The following AGRN variants were observed in gnomAD, a reference collection of about 807,000 sequenced individuals.
AGRN encodes agrin proteoglycan.
A neutral mutation model predicts 211.0 loss-of-function variants in AGRN; 106 were observed. The observed-to-expected ratio is 0.50, with a 90% CI of 0.43 to 0.59. AGRN has a LOEUF of 0.59. Ranked by LOEUF, AGRN falls within the 20% of genes least tolerant of loss-of-function variation. The probability of loss-of-function intolerance (pLI) is 0.00; values close to 1 mark genes in which losing one functional copy is unlikely to be tolerated. For missense variants in AGRN, 3,040 were observed against 2,982.6 expected, an observed-to-expected ratio of 1.02 and a Z score of -0.45; for synonymous variants, 1,525 against 1,332.5, an observed-to-expected ratio of 1.14 and a Z score of -3.15.
Position 1,020,125 on chromosome 1 carries a change from C to T in AGRN, c.-48C>T, listed in dbSNP as rs1358837440. On this transcript the variant is annotated 5_prime_UTR_variant, in exon 1 of 36. Transcript: ENST00000379370. ...AGCTGCGTCCCGTCCTGTCCAGTCCCGTCCCCGGCGCGGCCCGCGCGCTCC... is the reference window on the plus strand; with the variant it reads ...AGCTGCGTCCCGTCCTGTCCAGTCCTGTCCCCGGCGCGGCCCGCGCGCTCC... 6.1e-6 allele frequency: 6 copies of T among 978,766 alleles called. No homozygotes were observed. The African/African-American group carries it at 7.1e-5, about 12-fold the overall frequency. The allele number at this position is 978,766 out of a possible 1,614,324, so 60.6% of individuals were successfully genotyped here.
chr1:1,031,790 G>T lies in AGRN; in HGVS notation c.464-3487G>T, dbSNP rs568046700. Among the ~76,000 whole-genome samples, 3 of 152,300 alleles carry T rather than the reference G, an allele frequency of 2.0e-5. No homozygotes were observed. The highest frequency in any genetic ancestry group is 4.8e-5 in the African/African-American group (2 of 41,576). The stretch of plus-strand genomic sequence containing the variant: ...TACCTGTCCTCCTCCTGCAGAGCCC[G>T]CCCAGAGATCCCATGGCTGAAGGTG... On this transcript the variant is annotated intron_variant, in intron 2 of 35. Coordinates refer to ENST00000379370, the MANE Select transcript of AGRN (RefSeq NM_198576.4). This position sits in a 1 kb window ranked among gnomAD's most constrained non-coding sequence, Gnocchi z 4.8.
chr1:1,037,540 A>G (rs907882188), intron 3 of AGRN, among the ~76,000 whole-genome samples: 3 of 151,834 alleles, frequency 2.0e-5, no homozygotes, highest in African/African-American at 7.2e-5. Flanking sequence ...TGCCGCCTCC[A>G]GCGTTGCACA....
At position 1,033,290 on chromosome 1, in the gene AGRN, G is replaced by T. The variant is rs111834791; in HGVS notation, c.464-1987G>T. On this transcript the variant is annotated intron_variant, in intron 2 of 35. Coordinates refer to ENST00000379370, the MANE Select transcript of AGRN (RefSeq NM_198576.4). ...CTCACCTCACTCCACCCTCCAGCTC[G>T]CGCCGCACCTGGGGCCCTCCCCCAC... Among the ~76,000 whole-genome samples the T allele has an allele frequency of 2.0e-3, 304 of 152,098 alleles. 1 individual carries two copies. The highest frequency in any genetic ancestry group is 2.5e-3 in the Non-Finnish European group (168 of 67,928).
intron 3 of AGRN, among the ~76,000 whole-genome samples, chr1:1,039,127 C>G (rs984551330): frequency 1.3e-5 from 2 of 152,176 alleles, no homozygotes; most frequent in South Asian, 4.1e-4. Context: ...ATAACCTGCC[C>G]ACATTCTCAC....
rs1336585103 is a variant in AGRN at position 1,052,050 on chromosome 1, A to C, written c.5651+235A>C. 5 of 1,492,624 alleles carry C rather than the reference A, an allele frequency of 3.3e-6. No individual in the cohort carries two copies. The East Asian group carries it at 1.4e-4, about 41-fold the overall frequency. The allele number at this position is 1,492,624 out of a possible 1,614,324, so 92.5% of individuals were successfully genotyped here. A position where few individuals can be genotyped will look rare whatever the true frequency, so the allele number is the denominator to read the frequency against. ...AGCTCGGCGCCCCCCGCTCCCTCTC[A>C]CTCCCACTCCTCCATCCTTCCTGGT... On this transcript the variant is annotated intron_variant, in intron 33 of 35. Transcript: ENST00000379370.
intron 1 of AGRN, among the ~76,000 whole-genome samples, chr1:1,020,770 G>T (rs963403312): frequency 6.6e-6 from 1 of 151,762 alleles, no homozygotes; most frequent in Non-Finnish European, 1.5e-5. Context: ...GGCGAGAGGG[G>T]TTGGTCAGGA....
chr1:1,024,352 G>A (rs1373634673), intron 2 of AGRN, among the ~76,000 whole-genome samples: 1 of 152,046 alleles, frequency 6.6e-6, no homozygotes, highest in Non-Finnish European at 1.5e-5. Flanking sequence ...CTCTGTAGGA[G>A]ATAAGGACAT....
rs540467706 is a variant in AGRN, at chr1:1,045,244, G to A, written c.2338G>A (p.Ala780Thr). The A allele has an allele frequency of 1.0e-4, 166 of 1,611,592 alleles. 1 individual carries two copies. Among genetic ancestry groups the A allele is most frequent in the South Asian group, 7.7e-4 (70 of 90,948 alleles). Residue 780 changes from alanine (A) to threonine (T), a missense_variant, in exon 13 of 36, where the codon GCA becomes ACA. Physicochemically the swap from Ala to Thr is moderately conservative, Grantham distance 58. Coordinates refer to ENST00000379370, the MANE Select transcript of AGRN (RefSeq NM_198576.4). Reference protein sequence around the residue: ...PYGCCQDNITAARGVGLAGCP... With the variant: ...PYGCCQDNITTARGVGLAGCP... ...CGGCTGCTGCCAGGACAATATCACC[G>A]CAGCCCGGGGCGTGGGCCTGGCTGG... is the stretch of plus-strand genomic sequence containing the variant.
chr1:1,048,727 A>G lies in AGRN; in HGVS notation c.4106-140A>G. ...GGTTGCGGTGAGCCAGGATCGCGCC[A>G]CTGCACTCCAGCCGGGGCAAAAAGA... On this transcript the variant is annotated intron_variant, in intron 23 of 35. Transcript: ENST00000379370. This position sits in a 1 kb window ranked among gnomAD's most constrained non-coding sequence, Gnocchi z 5.9. 1 of 1,022,262 alleles carries G rather than the reference A, an allele frequency of 9.8e-7. No individual in the cohort carries two copies. Among genetic ancestry groups the G allele is most frequent in the South Asian group, 1.7e-5 (1 of 58,696 alleles). The allele number at this position is 1,022,262 out of a possible 1,614,324, so 63.3% of individuals were successfully genotyped here.
intron 27 of AGRN, 39 bp downstream of exon 27, chr1:1,050,076 G>A (rs749711604): frequency 3.3e-6 from 5 of 1,519,866 alleles, no homozygotes; most frequent in Admixed American, 2.0e-5. Flanking sequence ...GGGGGGGGGG[G>A]GGTTGAACGT....
In AGRN at chr1:1,044,589, G is replaced by A. The variant is rs1327504147; in HGVS notation, c.2254+150G>A. 1.0e-5 allele frequency: 9 copies of A among 861,944 alleles called. No homozygotes were observed. In the Admixed American group the frequency reaches 1.1e-4, roughly 11 times the overall value. 53.4% of individuals were successfully genotyped at this position (861,944 alleles called of 1,614,324 possible). On this transcript the variant is annotated intron_variant, in intron 12 of 35. Coordinates refer to ENST00000379370, the MANE Select transcript of AGRN (RefSeq NM_198576.4). ...AGCATCGTCCAGTGTTGGTGCCTGT[G>A]CACATTTGTGCAGCTGCGTGTGTGG... is the stretch of plus-strand genomic sequence containing the variant.
chr1:1,027,596 T>C (rs1409766440), intron 2 of AGRN, among the ~76,000 whole-genome samples: 1 of 152,132 alleles, frequency 6.6e-6, no homozygotes, highest in African/African-American at 2.4e-5. Context: ...ATGACCAGTG[T>C]GGTTTCTGAA....
rs1645001357 is a variant in AGRN, at chr1:1,043,432, C to T, written c.1578C>T (p.Ile526=). The T allele has an allele frequency of 6.2e-7, 1 of 1,606,768 alleles. No individual in the cohort carries two copies. Among genetic ancestry groups the T allele is most frequent in the Non-Finnish European group, 8.5e-7 (1 of 1,178,522 alleles). The stretch of plus-strand genomic sequence containing the variant: ...CGGCCTGTACCCTCGGGCGGGAGAT[C>T]CAGGTGGCGCGCAAAGGACCCTGTG... ...EATACTLGRE[I]QVARKGPCDR... The change falls in exon 8 of 36, where the codon ATC becomes ATT. Residue 526 remains isoleucine (I), a synonymous_variant. Coordinates refer to ENST00000379370, the MANE Select transcript of AGRN (RefSeq NM_198576.4).
intron 2 of AGRN, among the ~76,000 whole-genome samples, chr1:1,030,813 A>G (rs199553899): frequency 8.1e-3 from 312 of 38,476 alleles, no homozygotes; most frequent in Middle Eastern, 0.062. Context: ...TGAGATCAGC[A>G]TGTGTGTGTG....
intron 12 of AGRN, 36 bp from the exon 13 acceptor site, chr1:1,045,125 C>T (rs1645053796): frequency 6.2e-7 from 1 of 1,602,938 alleles, no homozygotes; most frequent in Middle Eastern, 2.1e-4. Flanking sequence ...GTGTCCAGCA[C>T]TGCATGAAAT....
intron 20 of AGRN, 43 bp downstream of exon 20, chr1:1,047,497 C>G (rs1645132842): frequency 6.2e-7 from 1 of 1,612,816 alleles, no homozygotes; most frequent in Non-Finnish European, 8.5e-7. Context: ...TGGCCTTCCT[C>G]CCCAGATACC....
At chr1:1,025,522 TCTCCTGCCCAGGGCTCAG>T (rs1644501279) in intron 2 of AGRN, among the ~76,000 whole-genome samples, 2 of 151,564 alleles carry the variant, frequency 1.3e-5, no homozygotes, top group Non-Finnish European at 2.9e-5. Context: ...GCCAGCCCCC[TCTCCTGCCCAGGGCTCAG>T]CTCCTGCCCC....
intron 20 of AGRN, 43 bp from the exon 21 acceptor site, chr1:1,047,530 G>A (rs769409270): frequency 2.0e-5 from 32 of 1,612,342 alleles, no homozygotes; most frequent in Admixed American, 1.7e-4. Flanking sequence ...AGGGCAGCCC[G>A]GCTTGGGCGG....
intron 33 of AGRN, chr1:1,052,089 C>T (rs940965110): frequency 7.2e-5 from 103 of 1,430,268 alleles, no homozygotes; most frequent in Non-Finnish European, 8.5e-5. Context: ...GAGCAGAGTC[C>T]GGAGCCCCCG....
Sources: allele counts gnomAD v4.1 joint callset (sites outside exome capture counted in the v4.1 genomes callset), GRCh38; gene constraint gnomAD v4.1.1; non-coding constraint Gnocchi (gnomAD v3.1); transcripts MANE v1.5; gene names NCBI Gene and HGNC (gene_info 2026-07-23, HGNC 2026-07-21).